The following TNS1 variants were observed in gnomAD, a reference collection of about 807,000 sequenced individuals.
TNS1 encodes tensin 1.
TNS1 carries 62 observed loss-of-function variants against 168.6 expected under a neutral mutation model. The ratio of observed to expected loss-of-function variants is 0.37; its 90% CI spans 0.30 to 0.45. TNS1 has a LOEUF of 0.45. Among genes scored for constraint, TNS1 ranks in the 20% least tolerant of loss-of-function variants. The pLI, the probability that TNS1 is intolerant of heterozygous loss-of-function variation, is 1.00. For missense variants in TNS1, 2,240 were observed against 2,339.4 expected (o/e 0.96, Z 0.88); for synonymous variants, 934 against 933.2 (o/e 1.00, Z -0.02).
At chr2:217,924,655 G>T (rs1955917209) in intron 3 of TNS1, among the ~76,000 whole-genome samples, 1 of 152,188 alleles carries the variant, frequency 6.6e-6, no homozygotes, top group Non-Finnish European at 1.5e-5. Context: ...GGCTAATTTT[G>T]TCATACACCT....
At chr2:217,917,554 G>T (rs1250197846) in intron 4 of TNS1, among the ~76,000 whole-genome samples, 1 of 152,086 alleles carries the variant, frequency 6.6e-6, no homozygotes, top group African/African-American at 2.4e-5. Context: ...GTTCGGCCGG[G>T]CGCGCAGTAG....
chr2:217,954,470 G>A (rs1957312757), intron 3 of TNS1, among the ~76,000 whole-genome samples: 1 of 152,132 alleles, frequency 6.6e-6, no homozygotes, highest in African/African-American at 2.4e-5. Flanking sequence ...TACTCTATCT[G>A]GTTTATTCCT....
Position 217,997,092 on chromosome 2 carries a change from G to A in TNS1, c.33+5748C>T, listed in dbSNP as rs536594193. The stretch of plus-strand genomic sequence containing the variant: ...TGTCCAGCTTCTAGGCACATTCAAG[G>A]GCCTGATTCAAACCTCATCCCCTCA... On this transcript the variant is annotated intron_variant, in intron 1 of 32. Transcript: ENST00000682258. 4.6e-5 allele frequency among the ~76,000 whole-genome samples: 7 copies of A among 152,008 alleles called. No individual in the cohort carries two copies. In the South Asian group the frequency reaches 1.3e-3, roughly 27 times the overall value.
At chr2:217,825,303 T>A (rs1337519994) in intron 22 of TNS1, among the ~76,000 whole-genome samples, 1 of 152,052 alleles carries the variant, frequency 6.6e-6, no homozygotes. Flanking sequence ...TGCCAGTGGC[T>A]ACATCCCCTA....
intron 1 of TNS1, among the ~76,000 whole-genome samples, chr2:218,023,023 C>A (rs1010544115): frequency 2.6e-5 from 4 of 152,192 alleles, no homozygotes; most frequent in Non-Finnish European, 4.4e-5. Context: ...CGTGGCCTCA[C>A]GTCTGGCTGG....
intron 3 of TNS1, among the ~76,000 whole-genome samples, chr2:217,931,373 G>GA (rs1223509990): frequency 6.6e-6 from 1 of 152,162 alleles, no homozygotes; most frequent in Non-Finnish European, 1.5e-5. Context: ...GGGTGCATGG[G>GA]AAAAAAATCT....
chr2:217,804,384 G>A lies in TNS1; in HGVS notation c.*75C>T. 1.9e-6 allele frequency: 3 copies of A among 1,578,618 alleles called. No homozygotes were observed. The highest frequency in any genetic ancestry group is 4.5e-5 in the East Asian group (2 of 44,428). On this transcript the variant is annotated 3_prime_UTR_variant, in exon 33 of 33. Coordinates refer to ENST00000682258, the MANE Select transcript of TNS1 (RefSeq NM_001387777.1). Reference sequence around the variant, plus strand: ...CCCAAAGTCCTCCTTCTGGGTTCAAGAGTGGTCAGGATTCATGGGTCCCCT... The same window carrying A: ...CCCAAAGTCCTCCTTCTGGGTTCAAAAGTGGTCAGGATTCATGGGTCCCCT...
chr2:217,877,734 T>A (rs1574917725), intron 18 of TNS1, among the ~76,000 whole-genome samples: 1 of 152,280 alleles, frequency 6.6e-6, no homozygotes, highest in East Asian at 1.9e-4. Flanking sequence ...AGATGATGGT[T>A]AAGTCAGGGG....
intron 3 of TNS1, among the ~76,000 whole-genome samples, chr2:217,959,261 G>A (rs1026580445): frequency 6.6e-6 from 1 of 152,226 alleles, no homozygotes; most frequent in South Asian, 2.1e-4. Context: ...GTTGTTTGAA[G>A]AATTTATTGA....
intron 18 of TNS1, among the ~76,000 whole-genome samples, chr2:217,850,909 T>G (rs1334248015): frequency 6.6e-6 from 1 of 151,864 alleles, no homozygotes; most frequent in African/African-American, 2.4e-5. Context: ...ACGCCAACAC[T>G]TCGCCAGGCA....
intron 3 of TNS1, among the ~76,000 whole-genome samples, chr2:217,927,394 C>T (rs78694511): frequency 0.016 from 2,378 of 152,250 alleles, 21 homozygotes; most frequent in South Asian, 0.022. Flanking sequence ...CATAGGCAAC[C>T]TTGAATGCCC....
chr2:217,899,616 G>A (rs902973078), intron 7 of TNS1, among the ~76,000 whole-genome samples: 1 of 152,234 alleles, frequency 6.6e-6, no homozygotes, highest in African/African-American at 2.4e-5. Context: ...AGGGGAGCAA[G>A]AGGGGCCGTG....
intron 2 of TNS1, among the ~76,000 whole-genome samples, chr2:217,980,826 G>A (rs1958030546): frequency 6.6e-6 from 1 of 152,064 alleles, no homozygotes; most frequent in South Asian, 2.1e-4. Context: ...TCAGGGCCTT[G>A]GCACTTGCTG....
chr2:218,009,617 G>T (rs1259153051), intron 1 of TNS1, among the ~76,000 whole-genome samples: 1 of 151,582 alleles, frequency 6.6e-6, no homozygotes, highest in Non-Finnish European at 1.5e-5. Flanking sequence ...AATCCCTCCT[G>T]CCGTCCCCCA....
At chr2:217,911,842 G>A (rs1364858453) in intron 4 of TNS1, among the ~76,000 whole-genome samples, 1 of 152,212 alleles carries the variant, frequency 6.6e-6, no homozygotes, top group Non-Finnish European at 1.5e-5. Context: ...CAAGCTTTCT[G>A]AAAATTGAAG....
chr2:217,960,764 G>A (rs138218360), intron 3 of TNS1, among the ~76,000 whole-genome samples: 1 of 152,166 alleles, frequency 6.6e-6, no homozygotes, highest in Non-Finnish European at 1.5e-5. Context: ...ACCACCAGAG[G>A]ACAACCCCTC....
chr2:217,992,780 G>C (rs1958400850), intron 1 of TNS1, among the ~76,000 whole-genome samples: 1 of 151,938 alleles, frequency 6.6e-6, no homozygotes, highest in African/African-American at 2.4e-5. Context: ...AGAGAGATGA[G>C]ACAGAGACAC....
At chr2:217,811,485 A>C (rs1415649941) in intron 28 of TNS1, among the ~76,000 whole-genome samples, 2 of 152,198 alleles carry the variant, frequency 1.3e-5, no homozygotes, top group East Asian at 3.9e-4. Flanking sequence ...ATGTGTGGGC[A>C]TAGCCCCAGG....
intron 19 of TNS1, chr2:217,841,062 G>T: frequency 4.2e-6 from 1 of 240,658 alleles, no homozygotes; most frequent in Non-Finnish European, 6.7e-6. Flanking sequence ...AGAGGGAGAG[G>T]AAAAGACAGA....
Sources: gnomAD v4.1 joint callset for allele counts (sites outside exome capture counted in the v4.1 genomes callset) on GRCh38, gnomAD v4.1.1 for gene constraint, MANE v1.5 for transcripts, NCBI Gene and HGNC (gene_info 2026-07-23, HGNC 2026-07-21) for gene names.